The following PCDHGA7 variants were observed in gnomAD, a reference collection of about 807,000 sequenced individuals.
The protein encoded by PCDHGA7 is protocadherin gamma subfamily A, 7.
PCDHGA7 carries 44 observed loss-of-function variants against 58.3 expected under a neutral mutation model. The ratio of observed to expected loss-of-function variants is 0.75; its 90% CI spans 0.59 to 0.97. PCDHGA7 has a LOEUF of 0.97. Among genes scored for constraint, PCDHGA7 ranks in the 50% least tolerant of loss-of-function variants. PCDHGA7 has a pLI of 0.00. For missense variants in PCDHGA7, 1,266 were observed against 1,188.7 expected (o/e 1.06, Z -0.96); for synonymous variants, 516 against 504.2 (o/e 1.02, Z -0.31).
Position 141,432,972 on chromosome 5 carries a change from C to T in PCDHGA7, c.2424+47649C>T. 1 of 1,614,218 alleles carries T rather than the reference C, an allele frequency of 6.2e-7. No homozygotes were observed. Among genetic ancestry groups the T allele is most frequent in the African/African-American group, 1.3e-5 (1 of 75,058 alleles). ...GGCGGCTTGACAGGAGCGCCGGCGT[C>T]GCACTTTGTGGGCGTGGACGGGGTG... On this transcript the variant is annotated intron_variant, in intron 1 of 3. Coordinates refer to ENST00000518325, the MANE Select transcript of PCDHGA7 (RefSeq NM_018920.4). This position sits in a 1 kb window ranked among gnomAD's most constrained non-coding sequence, Gnocchi z 6.0.
intron 3 of PCDHGA7, among the ~76,000 whole-genome samples, chr5:141,509,620 C>G (rs1321910971): frequency 6.6e-6 from 1 of 152,188 alleles, no homozygotes; most frequent in African/African-American, 2.4e-5. Context: ...TAAACAAGTT[C>G]CTGGGTGATG....
intron 2 of PCDHGA7, among the ~76,000 whole-genome samples, chr5:141,500,881 T>G (rs940387787): frequency 1.0e-5 from 1 of 99,136 alleles, no homozygotes; most frequent in Non-Finnish European, 1.9e-5. Context: ...TTTACAATTT[T>G]TTTTTTTTGA....
intron 1 of PCDHGA7, chr5:141,398,974 A>G (rs1486049931): frequency 1.4e-5 from 23 of 1,613,860 alleles, no homozygotes; most frequent in Non-Finnish European, 1.9e-5. Context: ...TTCCTTCTAC[A>G]GAACCGGGCA....
intron 1 of PCDHGA7, among the ~76,000 whole-genome samples, chr5:141,461,557 C>T (rs2154567400): frequency 6.6e-6 from 1 of 152,122 alleles, no homozygotes; most frequent in East Asian, 1.9e-4. Context: ...CAGATGTGTA[C>T]TTTGCAAAGA....
Position 141,385,285 on chromosome 5 carries a change from G to C in PCDHGA7, c.2386G>C (p.Asp796His). ...AAATGATTCTTTGCTAACATCCGTA[G>C]ATTTTCAGGAATGTAAAGAAAACCT... Reference protein sequence around the residue: ...EKNDSLLTSVDFQECKENLPS... With the variant: ...EKNDSLLTSVHFQECKENLPS... The change falls in exon 1 of 4, where the codon GAT (aspartate) becomes CAT (histidine). Residue 796 changes from aspartate (D) to histidine (H), a missense_variant. Asp to His is a moderately conservative substitution (Grantham distance 81). Transcript: ENST00000518325. 1 of 1,613,408 alleles carries C rather than the reference G, an allele frequency of 6.2e-7. No individual in the cohort carries two copies. Among genetic ancestry groups the C allele is most frequent in the Non-Finnish European group, 8.5e-7 (1 of 1,179,380 alleles).
chr5:141,395,013 G>A, intron 1 of PCDHGA7: 2 of 1,614,064 alleles, frequency 1.2e-6, no homozygotes, highest in South Asian at 1.1e-5. Flanking sequence ...CAGATTGGTA[G>A]GCGTGCCTGC....
At chr5:141,437,654 A>C (rs185455660) in intron 1 of PCDHGA7, among the ~76,000 whole-genome samples, 1 of 152,256 alleles carries the variant, frequency 6.6e-6, no homozygotes, top group African/African-American at 2.4e-5. Context: ...GCAAACACAT[A>C]GTTTCGAAGA....
At position 141,487,915 on chromosome 5, in the gene PCDHGA7, G is replaced by T; in HGVS notation, c.2425-6892G>T. The T allele has an allele frequency of 1.5e-6, 1 of 655,128 alleles. No homozygotes were observed. Among genetic ancestry groups the T allele is most frequent in the Middle Eastern group, 3.5e-4 (1 of 2,862 alleles). The allele number at this position is 655,128 out of a possible 1,614,324, so 40.6% of individuals were successfully genotyped here. ...GATGATGGAATGTGGGAGCACAGGA[G>T]GCTACAGTGCACAGGGTACAGTGCA... On this transcript the variant is annotated intron_variant, in intron 1 of 3. Coordinates refer to ENST00000518325, the MANE Select transcript of PCDHGA7 (RefSeq NM_018920.4). This position sits in a 1 kb window ranked among gnomAD's most constrained non-coding sequence, Gnocchi z 5.0.
At position 141,384,591 on chromosome 5, in the gene PCDHGA7, C is replaced by T. The variant is rs1780246263; in HGVS notation, c.1692C>T (p.Tyr564=). 1 of 1,614,114 alleles carries T rather than the reference C, an allele frequency of 6.2e-7. No homozygotes were observed. The highest frequency in any genetic ancestry group is 1.1e-5 in the South Asian group (1 of 91,090). Residue 564 remains tyrosine, a synonymous_variant, in exon 1 of 4, where the codon TAC becomes TAT. Coordinates refer to ENST00000518325, the MANE Select transcript of PCDHGA7 (RefSeq NM_018920.4). ...DQNDNPPEIL[Y]PALPTDGSTG... The stretch of plus-strand genomic sequence containing the variant: ...ATGACAACCCGCCCGAGATCCTGTA[C>T]CCGGCCCTCCCCACAGATGGTTCTA...
chr5:141,469,747 C>T (rs1392088794), intron 1 of PCDHGA7, among the ~76,000 whole-genome samples: 1 of 152,134 alleles, frequency 6.6e-6, no homozygotes, highest in Non-Finnish European at 1.5e-5. Context: ...TCAAAAATTA[C>T]AAAAATACAT....
chr5:141,422,030 C>G, intron 1 of PCDHGA7: 1 of 1,609,592 alleles, frequency 6.2e-7, no homozygotes, highest in African/African-American at 1.3e-5. Flanking sequence ...GTTAATGCAA[C>G]GGATCCAGAC....
chr5:141,414,351 G>A (rs771256149), intron 1 of PCDHGA7: 16 of 1,613,676 alleles, frequency 9.9e-6, no homozygotes, highest in South Asian at 6.6e-5. Flanking sequence ...CCATTTTGGC[G>A]TATCTACCAT....
intron 1 of PCDHGA7, chr5:141,395,402 C>T (rs1012676021): frequency 5.9e-6 from 5 of 846,250 alleles, no homozygotes; most frequent in Non-Finnish European, 8.7e-6. Context: ...CTCTAATAGT[C>T]ATAGGTTATT....
chr5:141,415,007 G>A (rs369009151), intron 1 of PCDHGA7: 1 of 1,613,654 alleles, frequency 6.2e-7, no homozygotes, highest in South Asian at 1.1e-5. Flanking sequence ...CTGTCCTACC[G>A]TCTGCTCAAG....
At chr5:141,459,490 T>C (rs2098968649) in intron 1 of PCDHGA7, among the ~76,000 whole-genome samples, 1 of 152,236 alleles carries the variant, frequency 6.6e-6, no homozygotes, top group Non-Finnish European at 1.5e-5. Context: ...TATTCTGAAT[T>C]AAAGTGATGT....
At chr5:141,388,460 T>G in intron 1 of PCDHGA7, 1 of 1,613,854 alleles carries the variant, frequency 6.2e-7, no homozygotes. Flanking sequence ...GTAAATACCC[T>G]GAGATGGTAT....
intron 1 of PCDHGA7, among the ~76,000 whole-genome samples, chr5:141,460,959 A>ATG (rs1248175237): frequency 7.9e-6 from 1 of 126,082 alleles, no homozygotes; most frequent in Non-Finnish European, 1.6e-5. Flanking sequence ...ATGTATATAT[A>ATG]TATGTGTGTG....
Position 141,404,273 on chromosome 5 carries a change from C to A in PCDHGA7, c.2424+18950C>A, listed in dbSNP as rs751189949. 4.3e-6 allele frequency: 7 copies of A among 1,613,988 alleles called. No homozygotes were observed. The highest frequency in any genetic ancestry group is 5.9e-6 in the Non-Finnish European group (7 of 1,179,880). On this transcript the variant is annotated intron_variant, in intron 1 of 3. Coordinates refer to ENST00000518325, the MANE Select transcript of PCDHGA7 (RefSeq NM_018920.4). ...GTCCACAGAAATTCACATCACCCTG[C>A]AAGTGACTGACATCAATGATAATCC...
chr5:141,430,790 A>G, intron 1 of PCDHGA7: 1 of 1,516,892 alleles, frequency 6.6e-7, no homozygotes, highest in South Asian at 1.3e-5. Context: ...CCGGGACTAC[A>G]AAGGGCTTGT....
Sources: gnomAD v4.1 joint callset for allele counts (sites outside exome capture counted in the v4.1 genomes callset) on GRCh38, gnomAD v4.1.1 for gene constraint, Gnocchi (gnomAD v3.1) non-coding constraint, MANE v1.5 for transcripts, NCBI Gene and HGNC (gene_info 2026-07-23, HGNC 2026-07-21) for gene names.